Variants in SNAP91 observed in about 807,000 individuals in gnomAD.
SNAP91 encodes the protein clathrin coat assembly protein AP180.
A neutral mutation model predicts 100.3 loss-of-function variants in SNAP91; 27 were observed. The observed-to-expected ratio is 0.27, with a 90% CI of 0.20 to 0.37. The LOEUF (loss-of-function observed/expected upper bound fraction) is 0.37, where lower values mean the gene tolerates loss of function less well. SNAP91 is among the 10% of genes least tolerant of loss of function. The probability of loss-of-function intolerance (pLI) is 1.00; values close to 1 mark genes in which losing one functional copy is unlikely to be tolerated. For missense variants in SNAP91, 986 were observed against 1,123.7 expected (o/e 0.88, Z 1.75); for synonymous variants, 404 against 398.6 (o/e 1.01, Z -0.16).
intron 7 of SNAP91, among the ~76,000 whole-genome samples, chr6:83,649,217 G>A (rs1322169934): frequency 2.0e-5 from 3 of 152,200 alleles, no homozygotes; most frequent in East Asian, 1.9e-4. Flanking sequence ...TTAGCTGGAT[G>A]ATTCTGGCTC....
intron 24 of SNAP91, among the ~76,000 whole-genome samples, chr6:83,580,218 T>C (rs557239849): frequency 6.6e-6 from 1 of 152,146 alleles, no homozygotes; most frequent in African/African-American, 2.4e-5. Flanking sequence ...TTTAATAATT[T>C]AGACTAAAAT....
intron 7 of SNAP91, among the ~76,000 whole-genome samples, chr6:83,653,120 T>C (rs1439375605): frequency 6.6e-6 from 1 of 152,208 alleles, no homozygotes. Context: ...GATATGTGGT[T>C]TGATGTCTGA....
intron 16 of SNAP91, among the ~76,000 whole-genome samples, chr6:83,596,589 C>A (rs2094494640): frequency 1.3e-5 from 2 of 152,110 alleles, no homozygotes; most frequent in South Asian, 2.1e-4. Context: ...TCTACTGTCT[C>A]CAGTCTGTAG....
Position 83,614,848 on chromosome 6 carries a change from A to G in SNAP91, c.884+9T>C. The G allele has an allele frequency of 6.3e-7, 1 of 1,588,420 alleles. No homozygotes were observed. Among genetic ancestry groups the G allele is most frequent in the Non-Finnish European group, 8.5e-7 (1 of 1,173,430 alleles). On this transcript the variant is annotated intron_variant, in intron 11 of 29. Coordinates refer to ENST00000369694, the MANE Select transcript of SNAP91 (RefSeq NM_001242792.2). ...CAAATGCAAAAAACTCACTCCATAC[A>G]GTACTCACCCTTCACTTAAGTTCCA...
intron 22 of SNAP91, among the ~76,000 whole-genome samples, chr6:83,586,196 G>C (rs1210009190): frequency 6.6e-6 from 1 of 152,160 alleles, no homozygotes; most frequent in African/African-American, 2.4e-5. Context: ...TTCCACACAG[G>C]ATGATAGAAT....
chr6:83,681,153 C>A (rs925494412), intron 2 of SNAP91, among the ~76,000 whole-genome samples: 39 of 152,094 alleles, frequency 2.6e-4, no homozygotes, highest in Admixed American at 1.8e-3. Context: ...TATGAAATTA[C>A]CTTTTTTGTC....
At chr6:83,707,056 A>G (rs2129080598) in intron 2 of SNAP91, among the ~76,000 whole-genome samples, 1 of 152,342 alleles carries the variant, frequency 6.6e-6, no homozygotes, top group Middle Eastern at 3.4e-3. Context: ...ATTAAGAATT[A>G]AACGGTTTCA....
At chr6:83,664,707 G>C (rs2098643254) in intron 3 of SNAP91, among the ~76,000 whole-genome samples, 1 of 152,106 alleles carries the variant, frequency 6.6e-6, no homozygotes. Context: ...AAAGGATATA[G>C]AAATTACATA....
chr6:83,648,345 C>A (rs189712316), intron 7 of SNAP91, among the ~76,000 whole-genome samples: 1 of 151,208 alleles, frequency 6.6e-6, no homozygotes, highest in Admixed American at 6.6e-5. Context: ...TTTTGTTTAT[C>A]TATGTACCTA....
intron 2 of SNAP91, among the ~76,000 whole-genome samples, chr6:83,697,251 G>A (rs1446240370): frequency 1.3e-5 from 2 of 148,792 alleles, no homozygotes; most frequent in African/African-American, 2.5e-5. Context: ...TATAATATAT[G>A]TAGTTATAAA....
intron 18 of SNAP91, 79 bp from the exon 19 acceptor site, chr6:83,593,338 G>A: frequency 1.3e-6 from 2 of 1,515,636 alleles, no homozygotes; most frequent in South Asian, 2.4e-5. Context: ...TCCTTAATTA[G>A]CACTTTGAAG....
At chr6:83,621,331 T>G (rs2096720189) in intron 9 of SNAP91, among the ~76,000 whole-genome samples, 1 of 152,170 alleles carries the variant, frequency 6.6e-6, no homozygotes, top group Non-Finnish European at 1.5e-5. Flanking sequence ...ATGGTGTATA[T>G]GTATCACATA....
Position 83,575,015 on chromosome 6 carries a change from G to A in SNAP91, c.2437C>T (p.Pro813Ser), listed in dbSNP as rs1261362396. The change falls in exon 26 of 30, where the codon CCT becomes TCT. Residue 813 changes from proline (P) to serine (S), a missense_variant. Pro to Ser is a moderately conservative substitution (Grantham distance 74, BLOSUM62 -1). Coordinates refer to ENST00000369694, the MANE Select transcript of SNAP91 (RefSeq NM_001242792.2). ...GGGCTCTGATTGCTACATACCAAAG[G>A]TGCACTTGGTGGAACGCCTGCTGAC... ...TWSAGVPPSA[P>S]LQGAVPPTSS... 2 of 1,588,114 alleles carry A rather than the reference G, an allele frequency of 1.3e-6. No homozygotes were observed. Among genetic ancestry groups the A allele is most frequent in the South Asian group, 1.1e-5 (1 of 87,342 alleles).
intron 9 of SNAP91, among the ~76,000 whole-genome samples, chr6:83,618,880 C>T (rs1264871773): frequency 6.6e-6 from 1 of 151,664 alleles, no homozygotes; most frequent in African/African-American, 2.4e-5. Context: ...TTGGCTAAAC[C>T]TAAGTTTAAA....
intron 24 of SNAP91, among the ~76,000 whole-genome samples, chr6:83,579,922 A>C (rs1825652603): frequency 6.6e-6 from 1 of 152,094 alleles, no homozygotes; most frequent in South Asian, 2.1e-4. Flanking sequence ...ACACTATAGA[A>C]TTTATTTATT....
chr6:83,614,892 A>G lies in SNAP91; in HGVS notation c.879-30T>C, dbSNP rs771700873. On this transcript the variant is annotated intron_variant, in intron 10 of 29. Transcript: ENST00000369694. ...AGTTCCAAGGTAAGCACAAACATAC[A>G]AAGAAGAGAATAGTTAACTATTATA... 3.2e-6 allele frequency: 5 copies of G among 1,571,914 alleles called. No individual in the cohort carries two copies. In the Admixed American group the frequency reaches 8.5e-5, roughly 27 times the overall value.
At chr6:83,625,839 T>C (rs183215630) in intron 8 of SNAP91, among the ~76,000 whole-genome samples, 31 of 152,312 alleles carry the variant, frequency 2.0e-4, no homozygotes, top group Non-Finnish European at 3.7e-4. Context: ...CTGTTTACTC[T>C]GTTAATAGTT....
chr6:83,703,299 A>G (rs2099342816), intron 2 of SNAP91, among the ~76,000 whole-genome samples: 1 of 151,906 alleles, frequency 6.6e-6, no homozygotes, highest in Non-Finnish European at 1.5e-5. Context: ...ACTTAATTTT[A>G]TTCAGTAAAC....
At chr6:83,646,339 G>A (rs2097916064) in intron 7 of SNAP91, among the ~76,000 whole-genome samples, 1 of 152,076 alleles carries the variant, frequency 6.6e-6, no homozygotes, top group Non-Finnish European at 1.5e-5. Flanking sequence ...TTACCTTCCA[G>A]GATGTTTATA....
Sources: allele counts gnomAD v4.1 joint callset (sites outside exome capture counted in the v4.1 genomes callset), GRCh38; gene constraint gnomAD v4.1.1; transcripts MANE v1.5; gene names NCBI Gene and HGNC (gene_info 2026-07-23, HGNC 2026-07-21).